Variants in FAS observed in about 807,000 individuals in gnomAD.
FAS encodes tumor necrosis factor receptor superfamily member 6.
A neutral mutation model predicts 33.2 loss-of-function variants in FAS; 5 were observed. The ratio of observed to expected loss-of-function variants is 0.15; its 90% CI spans 0.08 to 0.32. The LOEUF is 0.32. Among genes scored for constraint, FAS ranks in the 10% least tolerant of loss-of-function variants. The pLI, the probability that FAS is intolerant of heterozygous loss-of-function variation, is 1.00. For missense variants in FAS, 339 were observed against 386.0 expected, an observed-to-expected ratio of 0.88 and a Z score of 1.02; for synonymous variants, 131 against 130.7, an observed-to-expected ratio of 1.00 and a Z score of -0.01.
At position 88,996,125 on chromosome 10, in the gene FAS, A is replaced by G. The variant is rs1015512135; in HGVS notation, c.30+5219A>G. On this transcript the variant is annotated intron_variant, in intron 1 of 8. Transcript: ENST00000652046. Reference sequence around the variant, plus strand: ...AATATAAGATATGAGAAATGTGAATACTTTTTATTTGTGAGGGCAGATATC... The same window carrying G: ...AATATAAGATATGAGAAATGTGAATGCTTTTTATTTGTGAGGGCAGATATC... Among the ~76,000 whole-genome samples, 4 of 152,326 alleles carry G rather than the reference A, an allele frequency of 2.6e-5. No individual in the cohort carries two copies. The Middle Eastern group carries it at 0.01, about 389-fold the overall frequency.
In FAS at chr10:89,016,686, G is replaced by A. The variant is rs1049702663; in HGVS notation, c.*2236G>A. 8.9e-6 allele frequency: 2 copies of A among 223,850 alleles called. No homozygotes were observed. Among genetic ancestry groups the A allele is most frequent in the African/African-American group, 4.5e-5 (2 of 44,802 alleles). 13.9% of individuals were successfully genotyped at this position (223,850 alleles called of 1,614,324 possible). ...ACGGTCCAGAATCATCCTCATTCTG[G>A]TGAACCTGGTTCTCTTTGTGGTGGG... On this transcript the variant is annotated 3_prime_UTR_variant, in exon 9 of 9. Coordinates refer to ENST00000652046, the MANE Select transcript of FAS (RefSeq NM_000043.6).
chr10:89,009,792 T>C (rs984295759), intron 4 of FAS, among the ~76,000 whole-genome samples: 4 of 152,208 alleles, frequency 2.6e-5, no homozygotes, highest in Non-Finnish European at 4.4e-5. Flanking sequence ...TAGGTAGGCA[T>C]TGGGGAAGCA....
chr10:88,989,806 G>A (rs1847058639), upstream of FAS, among the ~76,000 whole-genome samples: 1 of 152,180 alleles, frequency 6.6e-6, no homozygotes, highest in Non-Finnish European at 1.5e-5. Context: ...CTTGGTGGAC[G>A]ATGCCAAAGG....
intron 2 of FAS, among the ~76,000 whole-genome samples, chr10:89,004,086 C>T (rs1332299631): frequency 3.3e-5 from 5 of 152,216 alleles, no homozygotes; most frequent in South Asian, 2.1e-4. Flanking sequence ...TTCTCCAACA[C>T]GAATAAAGAA....
Position 89,005,484 on chromosome 10 carries a change from A to G in FAS, c.197-2216A>G, listed in dbSNP as rs1468830362. Among the ~76,000 whole-genome samples, 3 of 152,296 alleles carry G rather than the reference A, an allele frequency of 2.0e-5. No homozygotes were observed. In the East Asian group the frequency reaches 5.8e-4, roughly 29 times the overall value. ...AGAAGGATTCTATGGTATACTGCACACATATTTCATATATACACATTGTAC... is the reference window on the plus strand; with the variant it reads ...AGAAGGATTCTATGGTATACTGCACGCATATTTCATATATACACATTGTAC... On this transcript the variant is annotated intron_variant, in intron 2 of 8. Transcript: ENST00000652046.
At chr10:89,004,646 C>A (rs1564688228) in intron 2 of FAS, among the ~76,000 whole-genome samples, 2 of 151,836 alleles carry the variant, frequency 1.3e-5, no homozygotes. Flanking sequence ...TGTAGGATTC[C>A]TTAGGTAAAT....
At position 89,015,151 on chromosome 10, in the gene FAS, A is replaced by G. The variant is rs1298513671; in HGVS notation, c.*701A>G. On this transcript the variant is annotated 3_prime_UTR_variant, in exon 9 of 9. Transcript: ENST00000652046. Reference sequence around the variant, plus strand: ...GCTCAAAACTACCTACTTCTTTCTCAGGCATCAAAAGCATTTTGAGCAGGA... The same window carrying G: ...GCTCAAAACTACCTACTTCTTTCTCGGGCATCAAAAGCATTTTGAGCAGGA... The G allele has an allele frequency of 1.9e-6, 1 of 534,910 alleles. No individual in the cohort carries two copies. The highest frequency in any genetic ancestry group is 3.6e-6 in the Non-Finnish European group (1 of 276,684). The allele number at this position is 534,910 out of a possible 1,614,324, so 33.1% of individuals were successfully genotyped here.
chr10:89,002,516 C>T (rs1408546974), intron 1 of FAS: 1 of 174,502 alleles, frequency 5.7e-6, no homozygotes. Context: ...GGGGTTCAAA[C>T]CACAGTTGTT....
At chr10:89,007,080 G>A (rs1308812372) in intron 2 of FAS, among the ~76,000 whole-genome samples, 1 of 152,198 alleles carries the variant, frequency 6.6e-6, no homozygotes, top group East Asian at 1.9e-4. Flanking sequence ...TAGGCAGGCC[G>A]AGTGCAGCTC....
intron 1 of FAS, among the ~76,000 whole-genome samples, chr10:88,994,645 C>T (rs1847472639): frequency 6.6e-6 from 1 of 152,014 alleles, no homozygotes; most frequent in Non-Finnish European, 1.5e-5. Context: ...CTTGTCTACA[C>T]ATATACATAA....
At chr10:88,976,069 C>T (rs1447704649) in intron 2 of FAS, among the ~76,000 whole-genome samples, 1 of 152,174 alleles carries the variant, frequency 6.6e-6, no homozygotes, top group Non-Finnish European at 1.5e-5. Flanking sequence ...TTACTATTAT[C>T]AATTAGTTAT....
At chr10:89,013,605 A>T (rs1335105823) in intron 8 of FAS, among the ~76,000 whole-genome samples, 1 of 152,172 alleles carries the variant, frequency 6.6e-6, no homozygotes, top group African/African-American at 2.4e-5. Flanking sequence ...GGCTTAAGAA[A>T]CTTTTCCTTC....
chr10:88,991,296 G>A (rs1025301940), intron 1 of FAS: 70 of 401,494 alleles, frequency 1.7e-4, no homozygotes, highest in Middle Eastern at 7.4e-4. Context: ...TTGGAGAGAG[G>A]AGCGGAACTC....
Position 89,014,393 on chromosome 10 carries a change from C to A in FAS, c.951C>A (p.Asp317Glu). 6.2e-7 allele frequency: 1 copy of A among 1,613,190 alleles called. No homozygotes were observed. The highest frequency in any genetic ancestry group is 8.5e-7 in the Non-Finnish European group (1 of 1,179,924). Residue 317 changes from aspartate (D) to glutamate (E), a missense_variant, in exon 9 of 9, where the codon GAC becomes GAA. By Grantham distance (45) the Asp-to-Glu change is conservative. Around this residue, in one of 3 missense-constraint regions of FAS, gnomAD observed 52 missense variants for 52.7 expected, o/e 0.99. Transcript: ENST00000652046. ...AEKIQTIILK[D>E]ITSDSENSNF... ...AAATTCAGACTATCATCCTCAAGGA[C>A]ATTACTAGTGACTCAGAAAATTCAA...
At position 89,003,082 on chromosome 10, in the gene FAS, T is replaced by C. The variant is rs1848023281; in HGVS notation, c.84T>C (p.Thr28=). The C allele has an allele frequency of 1.2e-6, 2 of 1,614,188 alleles. No homozygotes were observed. Among genetic ancestry groups the C allele is most frequent in the East Asian group, 4.5e-5 (2 of 44,886 alleles). The part of the protein sequence containing the change: ...LSSKSVNAQV[T]DINSKGLELR... ...CCAAAAGTGTTAATGCCCAAGTGAC[T>C]GACATCAACTCCAAGGGATTGGAAT... The change falls in exon 2 of 9, where the codon ACT becomes ACC. Residue 28 remains threonine, a synonymous_variant. Coordinates refer to ENST00000652046, the MANE Select transcript of FAS (RefSeq NM_000043.6).
chr10:89,008,156 G>A (rs943947751), intron 3 of FAS, among the ~76,000 whole-genome samples: 4 of 152,030 alleles, frequency 2.6e-5, no homozygotes, highest in African/African-American at 7.2e-5. Flanking sequence ...AATGGTGCTC[G>A]TTCATGGCCA....
chr10:88,991,224 G>T, intron 1 of FAS: 1 of 539,648 alleles, frequency 1.9e-6, no homozygotes, highest in Non-Finnish European at 3.3e-6. Context: ...TGGGCGTGGG[G>T]TGCGGACAGG....
intron 1 of FAS, 95 bp from the exon 2 acceptor site, chr10:89,002,934 C>T (rs1848010183): frequency 6.7e-6 from 9 of 1,340,246 alleles, no homozygotes; most frequent in Non-Finnish European, 8.5e-6. Context: ...TGCCTGTGCA[C>T]AGCAGATACT....
upstream of FAS, among the ~76,000 whole-genome samples, chr10:88,983,638 A>AC (rs1325553498): frequency 1.9e-5 from 2 of 102,878 alleles, no homozygotes; most frequent in African/African-American, 9.3e-5. Flanking sequence ...AAAAAAAAAA[A>AC]ACACACACAC....
Sources: allele counts gnomAD v4.1 joint callset (sites outside exome capture counted in the v4.1 genomes callset), GRCh38; gene constraint gnomAD v4.1.1; regional missense constraint gnomAD v4.1.1; transcripts MANE v1.5; gene names NCBI Gene and HGNC (gene_info 2026-07-23, HGNC 2026-07-21).